The following ZBTB46 variants were observed in gnomAD, a reference collection of about 807,000 sequenced individuals.
ZBTB46 encodes zinc finger and BTB domain-containing protein 46.
Under a neutral mutation model 44.1 loss-of-function variants are expected in ZBTB46, and 8 were observed. That is an observed-to-expected ratio of 0.18 (90% CI 0.11 to 0.33). The LOEUF is 0.33. ZBTB46 is among the 10% of genes least tolerant of loss of function. ZBTB46 has a pLI of 1.00. For synonymous variants in ZBTB46, 409 were observed against 382.3 expected (o/e 1.07, Z -0.81); for missense variants, 651 against 847.7 (o/e 0.77, Z 2.88).
At chr20:63,825,883 G>C (rs532786678) in intron 1 of ZBTB46, among the ~76,000 whole-genome samples, 1 of 152,352 alleles carries the variant, frequency 6.6e-6, no homozygotes, top group South Asian at 2.1e-4. Flanking sequence ...TGCCCCAGCA[G>C]ATAAGCAAAG....
chr20:63,775,313 C>T (rs1170558293), intron 3 of ZBTB46: 9 of 208,452 alleles, frequency 4.3e-5, no homozygotes, highest in Non-Finnish European at 7.6e-5. Context: ...GACAGAGGGG[C>T]CGGCAGGGGG....
intron 2 of ZBTB46, among the ~76,000 whole-genome samples, chr20:63,781,754 T>C (rs543066757): frequency 2.0e-5 from 3 of 151,222 alleles, no homozygotes; most frequent in East Asian, 3.9e-4. Context: ...ATCGTGCCAT[T>C]GCACTCCAGC....
chr20:63,791,209 T>C (rs984775853), intron 1 of ZBTB46, among the ~76,000 whole-genome samples: 4 of 152,132 alleles, frequency 2.6e-5, no homozygotes, highest in Admixed American at 1.3e-4. Context: ...AGAATAAAAC[T>C]TCCAGGCTGG....
chr20:63,797,970 T>C (rs1353100254), intron 1 of ZBTB46, among the ~76,000 whole-genome samples: 1 of 152,228 alleles, frequency 6.6e-6, no homozygotes, highest in East Asian at 1.9e-4. Context: ...ACTCTGATGG[T>C]AGTTTCTTTT....
At chr20:63,773,814 T>G (rs992328728) in intron 3 of ZBTB46, among the ~76,000 whole-genome samples, 1 of 152,206 alleles carries the variant, frequency 6.6e-6, no homozygotes, top group Non-Finnish European at 1.5e-5. Flanking sequence ...GCGCTCCATC[T>G]GACCGGCTGG....
chr20:63,770,929 C>G (rs1351946213), intron 3 of ZBTB46, among the ~76,000 whole-genome samples: 1 of 100,548 alleles, frequency 9.9e-6, no homozygotes, highest in Non-Finnish European at 2.1e-5. Flanking sequence ...GCAACCAGCA[C>G]ATGGAGATGG....
At chr20:63,773,145 T>C (rs896667031) in intron 3 of ZBTB46, among the ~76,000 whole-genome samples, 1 of 151,674 alleles carries the variant, frequency 6.6e-6, no homozygotes, top group Admixed American at 6.6e-5. Context: ...AAAGGCTTCA[T>C]GGACGGAGCC....
chr20:63,761,686 G>C (rs1022206161), intron 3 of ZBTB46, among the ~76,000 whole-genome samples: 7 of 151,208 alleles, frequency 4.6e-5, no homozygotes, highest in African/African-American at 1.7e-4. Context: ...GGAGGCTGCA[G>C]CAGGAGAATC....
chr20:63,797,145 T>TATC (rs1200166692), intron 1 of ZBTB46, among the ~76,000 whole-genome samples: 3 of 150,170 alleles, frequency 2.0e-5, no homozygotes, highest in African/African-American at 7.4e-5. Context: ...CTCCTAATGC[T>TATC]ATCTCTCCCC....
intron 1 of ZBTB46, among the ~76,000 whole-genome samples, chr20:63,823,353 C>G (rs61653788): frequency 0.1 from 15,113 of 151,756 alleles, 1,211 homozygotes; most frequent in African/African-American, 0.22. Flanking sequence ...CAAAAATTAG[C>G]AGGGTGTGGT....
intron 3 of ZBTB46, among the ~76,000 whole-genome samples, chr20:63,763,058 C>T (rs1362905021): frequency 1.5e-4 from 23 of 152,266 alleles, no homozygotes; most frequent in East Asian, 7.7e-4. Context: ...TGGGGTCTTG[C>T]TAAGTTGCCC....
intron 3 of ZBTB46, among the ~76,000 whole-genome samples, chr20:63,755,159 T>C (rs2092208343): frequency 6.6e-6 from 1 of 152,218 alleles, no homozygotes. Flanking sequence ...GACGGTCCCC[T>C]CACCACCTGC....
At chr20:63,801,261 C>A (rs1242659215) in intron 1 of ZBTB46, among the ~76,000 whole-genome samples, 2 of 152,172 alleles carry the variant, frequency 1.3e-5, no homozygotes, top group East Asian at 3.9e-4. Flanking sequence ...CACCAATCAG[C>A]GCCCTGTATC....
intron 3 of ZBTB46, among the ~76,000 whole-genome samples, chr20:63,771,059 G>A (rs948374015): frequency 1.3e-5 from 2 of 150,726 alleles, no homozygotes; most frequent in African/African-American, 4.9e-5. Context: ...CAGCCACGCC[G>A]CTCGAACCAC....
intron 1 of ZBTB46, among the ~76,000 whole-genome samples, chr20:63,793,398 CG>C (rs893853326): frequency 3.9e-5 from 6 of 152,164 alleles, no homozygotes; most frequent in Non-Finnish European, 8.8e-5. Flanking sequence ...AACTAGGCAT[CG>C]GGGAAGTGAC....
rs148088696 is a variant in ZBTB46, at chr20:63,757,043, C to T, written c.1223-4182G>A. Reference sequence around the variant, plus strand: ...ACAGGGTGTTCACCTGCTTGGCTTCCGCAGATATTGCCAATTTTCCAAAGA... The same window carrying T: ...ACAGGGTGTTCACCTGCTTGGCTTCTGCAGATATTGCCAATTTTCCAAAGA... On this transcript the variant is annotated intron_variant, in intron 3 of 4. Coordinates refer to ENST00000245663, the MANE Select transcript of ZBTB46 (RefSeq NM_001369741.1). 3.0e-4 allele frequency among the ~76,000 whole-genome samples: 45 copies of T among 152,264 alleles called. No homozygotes were observed. The East Asian group carries it at 7.0e-3, about 24-fold the overall frequency.
At chr20:63,817,249 T>TA (rs573545774) in intron 1 of ZBTB46, among the ~76,000 whole-genome samples, 69 of 151,292 alleles carry the variant, frequency 4.6e-4, no homozygotes, top group Non-Finnish European at 7.2e-4. Flanking sequence ...CTACAAAAAG[T>TA]AAAAAAATTA....
At position 63,744,542 on chromosome 20, in the gene ZBTB46, A is replaced by AT. The variant is rs1352102368; in HGVS notation, c.*2387dup. ...ACATTTTTCCTCTTCATAAAAAAAT[A>AT]TTTATTAGTTTGAACATCGATTTAA... is the stretch of plus-strand genomic sequence containing the variant. On this transcript the variant is annotated 3_prime_UTR_variant, in exon 5 of 5. Transcript: ENST00000245663. 1 of 152,340 alleles carries AT rather than the reference A, an allele frequency of 6.6e-6. No homozygotes were observed. The highest frequency in any genetic ancestry group is 2.4e-5 in the African/African-American group (1 of 41,450). The allele number at this position is 152,340 out of a possible 1,614,324, so 9.4% of individuals were successfully genotyped here.
chr20:63,778,716 CT>C (rs2092444769), intron 2 of ZBTB46, among the ~76,000 whole-genome samples: 1 of 152,236 alleles, frequency 6.6e-6, no homozygotes, highest in East Asian at 1.9e-4. Flanking sequence ...CCAAACTCTA[CT>C]CTTTTTCCAA....
Sources: allele counts gnomAD v4.1 joint callset (sites outside exome capture counted in the v4.1 genomes callset), GRCh38; gene constraint gnomAD v4.1.1; transcripts MANE v1.5; gene names NCBI Gene and HGNC (gene_info 2026-07-23, HGNC 2026-07-21).